The following TAF1 variants were observed in gnomAD, a reference collection of about 807,000 sequenced individuals.
TAF1 encodes the protein TATA-box binding protein associated factor 1, also known as transcription initiation factor TFIID subunit 1.
In TAF1, 2 loss-of-function variants were observed where a neutral mutation model predicts 138.5. The observed-to-expected ratio is 0.01, with a 90% CI of 0.01 to 0.05. The LOEUF (loss-of-function observed/expected upper bound fraction) is 0.05. TAF1 is among the 10% of genes least tolerant of loss of function. TAF1 has a pLI of 1.00. For missense variants in TAF1, 709 were observed against 1,478.0 expected (o/e 0.48, Z 8.53); for synonymous variants, 437 against 503.2 (o/e 0.87, Z 1.76).
At chrX:71,508,093 T>C (rs1387702230) in intron 13 of TAF1, among the ~76,000 whole-genome samples, 1 of 96,469 alleles carries the variant, frequency 1.0e-5, no homozygotes, top group African/African-American at 3.7e-5. Flanking sequence ...TCTCTATATA[T>C]ATATATATAT....
intron 32 of TAF1, among the ~76,000 whole-genome samples, chrX:71,432,909 A>G (rs1260912669): frequency 8.9e-6 from 1 of 112,143 alleles, no homozygotes; most frequent in Non-Finnish European, 1.9e-5. Context: ...CCCCTCTCCA[A>G]TCTTCAAGTA....
intron 28 of TAF1, chrX:71,420,106 C>T: frequency 2.2e-6 from 1 of 462,207 alleles, no homozygotes; most frequent in Non-Finnish European, 3.9e-6. Flanking sequence ...CATGATGTCG[C>T]TCTAGCCTGG....
intron 13 of TAF1, among the ~76,000 whole-genome samples, chrX:71,515,841 G>C (rs2039814441): frequency 1.8e-5 from 2 of 111,505 alleles, no homozygotes; most frequent in African/African-American, 6.5e-5. Flanking sequence ...ATGTAATTAA[G>C]TCAGCTGATT....
chrX:71,517,976 A>T (rs989181706), intron 13 of TAF1, among the ~76,000 whole-genome samples: 2 of 109,940 alleles, frequency 1.8e-5, no homozygotes, highest in African/African-American at 6.6e-5. Flanking sequence ...AAAATTAAAA[A>T]ATTAAGACTG....
intron 13 of TAF1, among the ~76,000 whole-genome samples, chrX:71,503,342 A>ATG (rs1471226167): frequency 5.2e-5 from 5 of 96,613 alleles, no homozygotes; most frequent in Admixed American, 3.7e-4. Flanking sequence ...ATATATATAT[A>ATG]TGTGTATATA....
intron 21 of TAF1, 61 bp downstream of exon 21, chrX:71,393,537 A>G (rs2034683227): frequency 8.9e-7 from 1 of 1,125,522 alleles, no homozygotes; most frequent in African/African-American, 1.9e-5. Context: ...TCCAGGCACT[A>G]TTTCATAATA....
At chrX:71,459,485 G>A in intron 35 of TAF1, 67 bp from the exon 36 acceptor site, 1 of 1,173,342 alleles carries the variant, frequency 8.5e-7, no homozygotes, top group Non-Finnish European at 1.1e-6. Context: ...GGGTGTGCCT[G>A]GTGGTGGCTT....
At chrX:71,425,483 A>AC (rs1400016170) in intron 32 of TAF1, among the ~76,000 whole-genome samples, 1 of 110,892 alleles carries the variant, frequency 9.0e-6, no homozygotes, top group Non-Finnish European at 1.9e-5. Flanking sequence ...TAAAAAACTT[A>AC]TAAACAAAAG....
chrX:71,366,559 G>A, intron 1 of TAF1, 65 bp downstream of exon 1: 1 of 1,023,291 alleles, frequency 9.8e-7, no homozygotes, highest in Non-Finnish European at 1.3e-6. Context: ...GAGGTGCGGG[G>A]AGGAAAGGAG....
rs750996732 is a variant in TAF1, at chrX:71,460,660, T to C, written c.5256T>C (p.Asp1752=). Residue 1752 remains aspartate, a synonymous_variant, in exon 37 of 38, where the codon GAT becomes GAC. Transcript: ENST00000423759. ...TGAGTGAAAGTGGAAGTGACTCTGA[T>C]GTGGGATCTGGTGGAATAAGACCCA... The part of the protein sequence containing the change: ...IQLSESGSDS[D]VGSGGIRPKQ... The C allele has an allele frequency of 5.8e-6, 7 of 1,209,978 alleles. No homozygotes were observed. In the African/African-American group the frequency reaches 1.2e-4, roughly 21 times the overall value.
intron 3 of TAF1, among the ~76,000 whole-genome samples, chrX:71,369,708 C>G (rs1187311682): frequency 9.3e-6 from 1 of 107,173 alleles, no homozygotes; most frequent in Non-Finnish European, 1.9e-5. Context: ...CAGGTTCATG[C>G]CATTCTCTTG....
At chrX:71,498,481 A>G (rs968258595) in intron 13 of TAF1, among the ~76,000 whole-genome samples, 7 of 111,845 alleles carry the variant, frequency 6.3e-5, no homozygotes, top group Admixed American at 4.8e-4. Context: ...GGACTGCTGC[A>G]TTTTCTTACT....
intron 32 of TAF1, among the ~76,000 whole-genome samples, chrX:71,435,215 C>T (rs2037081240): frequency 8.9e-6 from 1 of 112,033 alleles, no homozygotes; most frequent in Non-Finnish European, 1.9e-5. Context: ...TTGGACCCCA[C>T]AATCTAGATA....
downstream of TAF1, among the ~76,000 whole-genome samples, chrX:71,467,086 CTTTTTT>C (rs756449044): frequency 1.5e-5 from 1 of 65,316 alleles, no homozygotes; most frequent in Non-Finnish European, 2.9e-5. Flanking sequence ...GGAGGGCATT[CTTTTTT>C]TTTTTTTTTT....
At chrX:71,383,656 G>A (rs2034033699) in intron 12 of TAF1, among the ~76,000 whole-genome samples, 1 of 111,926 alleles carries the variant, frequency 8.9e-6, no homozygotes, top group African/African-American at 3.2e-5. Flanking sequence ...GTGAATAGTT[G>A]TTAACACTGT....
chrX:71,460,251 GA>G lies in TAF1; in HGVS notation c.5222-368del, dbSNP rs766637634. The stretch of plus-strand genomic sequence containing the variant: ...GTGAGACTCTGTCTCCAAAGAAAAA[GA>G]AAAAAAGATGAGAACAGAATGATCA... On this transcript the variant is annotated intron_variant, in intron 36 of 37. Transcript: ENST00000423759. Among the ~76,000 whole-genome samples, 15 of 111,214 alleles carry G rather than the reference GA, an allele frequency of 1.3e-4. No homozygotes were observed. In the South Asian group the frequency reaches 5.6e-3, roughly 42 times the overall value.
intron 13 of TAF1, among the ~76,000 whole-genome samples, chrX:71,501,792 T>G (rs753153379): frequency 9.0e-6 from 1 of 111,541 alleles, no homozygotes; most frequent in South Asian, 3.8e-4. Context: ...CACTATTCGC[T>G]TTTAACTGGC....
intron 32 of TAF1, among the ~76,000 whole-genome samples, chrX:71,448,904 T>C (rs756367833): frequency 9.2e-6 from 1 of 108,928 alleles, no homozygotes; most frequent in East Asian, 2.9e-4. Context: ...CCACAACCTC[T>C]GCCTCCTGGG....
chrX:71,409,494 T>TTCCA (rs2035657062), intron 28 of TAF1, among the ~76,000 whole-genome samples: 1 of 111,757 alleles, frequency 8.9e-6, no homozygotes. Context: ...GTTTTCTGGT[T>TTCCA]TCCATTTGCA....
Sources: allele counts gnomAD v4.1 joint callset (sites outside exome capture counted in the v4.1 genomes callset), GRCh38; gene constraint gnomAD v4.1.1; transcripts MANE v1.5; gene names NCBI Gene and HGNC (gene_info 2026-07-23, HGNC 2026-07-21).